Variants in NEGR1 observed in about 807,000 individuals in gnomAD.
NEGR1 encodes the protein IgLON family member 4.
In NEGR1, 10 loss-of-function variants were observed where a neutral mutation model predicts 40.9. The ratio of observed to expected loss-of-function variants is 0.24; its 90% CI spans 0.15 to 0.42. The LOEUF is 0.42. Among genes scored for constraint, NEGR1 ranks in the 10% least tolerant of loss-of-function variants. The pLI is 1.00. For missense variants in NEGR1, 352 were observed against 438.9 expected, an observed-to-expected ratio of 0.80 and a Z score of 1.77; for synonymous variants, 185 against 166.8, an observed-to-expected ratio of 1.11 and a Z score of -0.84.
intron 2 of NEGR1, among the ~76,000 whole-genome samples, chr1:71,902,334 G>C (rs1203355388): frequency 6.6e-6 from 1 of 152,208 alleles, no homozygotes; most frequent in Non-Finnish European, 1.5e-5. Context: ...GCATTTGTCA[G>C]TTTATGCATT....
intron 1 of NEGR1, among the ~76,000 whole-genome samples, chr1:72,043,469 AT>A (rs1464020846): frequency 1.3e-5 from 2 of 151,778 alleles, no homozygotes; most frequent in Admixed American, 6.6e-5. Flanking sequence ...TATGTATAAC[AT>A]TTTCTTATAC....
At chr1:71,496,955 A>G (rs1300538530) in intron 6 of NEGR1, among the ~76,000 whole-genome samples, 1 of 152,220 alleles carries the variant, frequency 6.6e-6, no homozygotes, top group African/African-American at 2.4e-5. Flanking sequence ...TTGATAAATC[A>G]AAATAATGCG....
chr1:72,192,391 G>C (rs1417331119), intron 1 of NEGR1, among the ~76,000 whole-genome samples: 2 of 151,776 alleles, frequency 1.3e-5, no homozygotes, highest in Non-Finnish European at 2.9e-5. Context: ...CTGTAAAAAA[G>C]AGCAGTTTTG....
At chr1:72,067,086 G>T (rs1192876048) in intron 1 of NEGR1, among the ~76,000 whole-genome samples, 3 of 152,020 alleles carry the variant, frequency 2.0e-5, no homozygotes, top group African/African-American at 7.2e-5. Context: ...AAGAGGTAAA[G>T]ATCTACCTTT....
At chr1:71,872,845 A>G (rs1332973345) in intron 2 of NEGR1, among the ~76,000 whole-genome samples, 1 of 152,142 alleles carries the variant, frequency 6.6e-6, no homozygotes, top group Non-Finnish European at 1.5e-5. Flanking sequence ...AGCCAACATT[A>G]CTGAAAACAC....
intron 1 of NEGR1, among the ~76,000 whole-genome samples, chr1:72,248,575 TTTA>T (rs201326223): frequency 0.022 from 2,874 of 132,894 alleles, 45 homozygotes; most frequent in African/African-American, 0.046. Context: ...TCTATTTTTA[TTTA>T]TTATTATTAT....
intron 5 of NEGR1, among the ~76,000 whole-genome samples, chr1:71,603,651 C>A (rs1570094426): frequency 6.6e-6 from 1 of 152,200 alleles, no homozygotes; most frequent in African/African-American, 2.4e-5. Flanking sequence ...TTCAAACTAC[C>A]ATACTTTACA....
chr1:71,753,318 A>G (rs1386452492), intron 3 of NEGR1, among the ~76,000 whole-genome samples: 1 of 152,176 alleles, frequency 6.6e-6, no homozygotes, highest in Non-Finnish European at 1.5e-5. Flanking sequence ...TCATTCAAAT[A>G]TATTAGGCAC....
At chr1:71,562,157 A>G (rs1648482781) in intron 6 of NEGR1, among the ~76,000 whole-genome samples, 1 of 151,824 alleles carries the variant, frequency 6.6e-6, no homozygotes, top group Non-Finnish European at 1.5e-5. Flanking sequence ...TCAGATTGTC[A>G]TTAATAAATG....
At chr1:71,454,797 G>T (rs904957978) in intron 6 of NEGR1, among the ~76,000 whole-genome samples, 1 of 152,164 alleles carries the variant, frequency 6.6e-6, no homozygotes, top group Non-Finnish European at 1.5e-5. Flanking sequence ...CAGATTGGGG[G>T]ATAAAATGTA....
intron 4 of NEGR1, among the ~76,000 whole-genome samples, chr1:71,628,384 A>G (rs933720594): frequency 6.6e-6 from 1 of 152,072 alleles, no homozygotes; most frequent in African/African-American, 2.4e-5. Context: ...AAAATATTAC[A>G]GTTTTATGAT....
chr1:71,646,507 G>T (rs540690825), intron 4 of NEGR1, among the ~76,000 whole-genome samples: 6 of 151,922 alleles, frequency 3.9e-5, no homozygotes, highest in African/African-American at 1.2e-4. Context: ...TTAAAAGAAA[G>T]ATTGATCTTA....
chr1:71,493,789 C>A (rs1308752950), intron 6 of NEGR1, among the ~76,000 whole-genome samples: 1 of 152,144 alleles, frequency 6.6e-6, no homozygotes, highest in Non-Finnish European at 1.5e-5. Context: ...CAAAACAAAA[C>A]TTCTCTCCCT....
chr1:71,671,687 T>C (rs1287709177), intron 4 of NEGR1, among the ~76,000 whole-genome samples: 3 of 152,140 alleles, frequency 2.0e-5, no homozygotes, highest in Non-Finnish European at 4.4e-5. Flanking sequence ...GATTGTCTGA[T>C]AAATACCATG....
chr1:71,582,430 TTAA>T (rs1293351814), intron 6 of NEGR1, among the ~76,000 whole-genome samples: 2 of 152,196 alleles, frequency 1.3e-5, no homozygotes, highest in African/African-American at 4.8e-5. Flanking sequence ...ATATATTTTT[TTAA>T]CTTTTGCCTC....
At chr1:71,504,892 C>G (rs373879543) in intron 6 of NEGR1, among the ~76,000 whole-genome samples, 26 of 151,856 alleles carry the variant, frequency 1.7e-4, no homozygotes, top group African/African-American at 6.3e-4. Flanking sequence ...GGTTTAGGAT[C>G]AGGAATAGAG....
rs546349411 is a variant in NEGR1, at chr1:71,803,295, A to G, written c.410-26998T>C. Among the ~76,000 whole-genome samples the G allele has an allele frequency of 2.1e-4, 32 of 152,270 alleles. No individual in the cohort carries two copies. In the South Asian group the frequency reaches 6.0e-3, roughly 29 times the overall value. ...GAATGTGGCTATATATGAGTCAGGAAGAAAGATACCACCAGAAACCATCCC... is the reference window on the plus strand; with the variant it reads ...GAATGTGGCTATATATGAGTCAGGAGGAAAGATACCACCAGAAACCATCCC... On this transcript the variant is annotated intron_variant, in intron 2 of 6. Coordinates refer to ENST00000357731, the MANE Select transcript of NEGR1 (RefSeq NM_173808.3).
At chr1:72,142,513 T>C (rs1483828047) in intron 1 of NEGR1, among the ~76,000 whole-genome samples, 1 of 145,690 alleles carries the variant, frequency 6.9e-6, no homozygotes, top group Non-Finnish European at 1.5e-5. Context: ...AATAATCTGA[T>C]ACCTAGATAG....
chr1:72,104,559 T>TTTA (rs2100252848), intron 1 of NEGR1, among the ~76,000 whole-genome samples: 1 of 152,250 alleles, frequency 6.6e-6, no homozygotes, highest in South Asian at 2.1e-4. Context: ...TTTGAACCTC[T>TTTA]GATCTCCATA....
Sources: gnomAD v4.1 joint callset for allele counts (sites outside exome capture counted in the v4.1 genomes callset) on GRCh38, gnomAD v4.1.1 for gene constraint, MANE v1.5 for transcripts, NCBI Gene and HGNC (gene_info 2026-07-23, HGNC 2026-07-21) for gene names.